TGFB3: variants seen among roughly 807,000 people sequenced by gnomAD.
TGFB3 encodes the protein transforming growth factor beta 3, also known as transforming growth factor beta-3 proprotein.
TGFB3 carries 5 observed loss-of-function variants against 40.1 expected under a neutral mutation model. The ratio of observed to expected loss-of-function variants is 0.12; its 90% CI spans 0.07 to 0.26. The LOEUF (loss-of-function observed/expected upper bound fraction) is 0.26, where lower values mean the gene tolerates loss of function less well. Ranked by LOEUF, TGFB3 falls within the 10% of genes least tolerant of loss-of-function variation. The pLI is 1.00. For synonymous variants in TGFB3, 184 were observed against 205.6 expected (o/e 0.89, Z 0.90); for missense variants, 373 against 530.1 (o/e 0.70, Z 2.91).
chr14:75,959,622 T>A (rs1159450567), intron 6 of TGFB3, among the ~76,000 whole-genome samples: 1 of 151,836 alleles, frequency 6.6e-6, no homozygotes, highest in Non-Finnish European at 1.5e-5. Context: ...TACAAAAAAA[T>A]TAGCTGGCTG....
In TGFB3 at chr14:75,965,638, T is replaced by C; in HGVS notation, c.704A>G (p.Asn235Ser). 2 of 1,614,204 alleles carry C rather than the reference T, an allele frequency of 1.2e-6. No homozygotes were observed. Among genetic ancestry groups the C allele is most frequent in the Non-Finnish European group, 1.7e-6 (2 of 1,180,032 alleles). The change falls in exon 4 of 7, where the codon AAT (asparagine) becomes AGT (serine). Residue 235 changes from asparagine to serine, a missense_variant. Physicochemically the swap from Asn to Ser is conservative, Grantham distance 46. Transcript: ENST00000238682. ...GTGAATGTTTTCCAGGATATCTCCATTGGGCTGAAAGGTGTGACATGGACA... is the reference window on the plus strand; with the variant it reads ...GTGAATGTTTTCCAGGATATCTCCACTGGGCTGAAAGGTGTGACATGGACA... Reference protein sequence around the residue: ...IHCPCHTFQPNGDILENIHEV... With the variant: ...IHCPCHTFQPSGDILENIHEV...
chr14:75,980,749 T>A lies in TGFB3; in HGVS notation c.145A>T (p.Ser49Cys), dbSNP rs1353571180. 6.2e-7 allele frequency: 1 copy of A among 1,614,012 alleles called. No homozygotes were observed. The highest frequency in any genetic ancestry group is 1.3e-5 in the African/African-American group (1 of 74,896). Residue 49 changes from serine (S) to cysteine (C), a missense_variant, in exon 1 of 7, where the codon AGC (serine) becomes TGC (cysteine). Coordinates refer to ENST00000238682, the MANE Select transcript of TGFB3 (RefSeq NM_003239.5). The surrounding 1 kb of genome is among the most constrained non-coding windows in gnomAD (Gnocchi z 4.3). The stretch of plus-strand genomic sequence containing the variant: ...GGGGGGCTGGTGAGCCTGAGCTTGC[T>A]CAAGATCTGTCCCCTAATGGCTTCC... ...RVEAIRGQIL[S>C]KLRLTSPPEP...
intron 1 of TGFB3, among the ~76,000 whole-genome samples, chr14:75,974,983 C>T (rs577198101): frequency 1.2e-3 from 175 of 151,830 alleles, no homozygotes; most frequent in African/African-American, 2.7e-3. Context: ...TTCAGCTACT[C>T]GGGAGGCTGA....
Position 75,971,477 on chromosome 14 carries a change from T to G in TGFB3, c.516+78A>C. The G allele has an allele frequency of 6.3e-7, 1 of 1,592,766 alleles. No individual in the cohort carries two copies. The highest frequency in any genetic ancestry group is 8.6e-7 in the Non-Finnish European group (1 of 1,167,678). ...ATTCAAACCCAGGTCTGCCAAACGCTGCACCCAGTGGTGCCCTGATATGGC... is the reference window on the plus strand; with the variant it reads ...ATTCAAACCCAGGTCTGCCAAACGCGGCACCCAGTGGTGCCCTGATATGGC... On this transcript the variant is annotated intron_variant, in intron 2 of 6. Transcript: ENST00000238682. This position sits in a 1 kb window ranked among gnomAD's most constrained non-coding sequence, Gnocchi z 4.5.
At chr14:75,963,245 C>G (rs1043815152) in intron 5 of TGFB3, 71 bp downstream of exon 5, 4 of 1,588,106 alleles carry the variant, frequency 2.5e-6, no homozygotes, top group East Asian at 2.2e-5. Context: ...TGGCTTGGCT[C>G]TGGGGCCTGA....
intron 3 of TGFB3, 179 bp from the exon 4 acceptor site, chr14:75,965,874 G>A (rs967250095): frequency 2.0e-5 from 13 of 637,330 alleles, no homozygotes; most frequent in East Asian, 5.6e-5. Flanking sequence ...ACCTTCAAGC[G>A]CACGTTGCCA....
At chr14:75,968,313 T>C (rs2035245661) in intron 3 of TGFB3, among the ~76,000 whole-genome samples, 1 of 152,162 alleles carries the variant, frequency 6.6e-6, no homozygotes, top group Non-Finnish European at 1.5e-5. Flanking sequence ...ACCTGTGTGA[T>C]GATTCCCCTG....
At chr14:75,973,976 C>T (rs903011645) in intron 1 of TGFB3, among the ~76,000 whole-genome samples, 2 of 152,096 alleles carry the variant, frequency 1.3e-5, no homozygotes, top group African/African-American at 4.8e-5. Context: ...CCTGTCTCTA[C>T]TAAAAATATG....
Position 75,959,261 on chromosome 14 carries a change from G to A in TGFB3, c.1165C>T (p.Leu389=), listed in dbSNP as rs2035123706. The A allele has an allele frequency of 6.2e-7, 1 of 1,614,090 alleles. No homozygotes were observed. The highest frequency in any genetic ancestry group is 1.7e-5 in the Admixed American group (1 of 60,010). ...TTGGGGGTCCTCCCAACATAGTACA[G>A]GATGGTCAGGGGCTCCAGGTCCTGG... ...VPQDLEPLTI[L]YYVGRTPKVE... is the part of the protein sequence containing the mutation. The change falls in exon 7 of 7, where the codon CTG becomes TTG. Residue 389 remains leucine (L), a synonymous_variant. Transcript: ENST00000238682.
Position 75,979,737 on chromosome 14 carries a change from G to A in TGFB3, c.352+805C>T, listed in dbSNP as rs1011216028. On this transcript the variant is annotated intron_variant, in intron 1 of 6. Coordinates refer to ENST00000238682, the MANE Select transcript of TGFB3 (RefSeq NM_003239.5). The surrounding 1 kb of genome is among the most constrained non-coding windows in gnomAD (Gnocchi z 4.8). ...TGCACCCACTGCCACCCCTCCACCC[G>A]CTCTCCCGTGACACGCAGACACAAA... 2.7e-4 allele frequency among the ~76,000 whole-genome samples: 13 copies of A among 48,628 alleles called. No homozygotes were observed. Among genetic ancestry groups the A allele is most frequent in the Admixed American group, 1.0e-3 (5 of 4,930 alleles). 31.9% of individuals were successfully genotyped at this position (48,628 alleles called of 152,430 possible).
chr14:75,964,333 T>C (rs1012873860), intron 4 of TGFB3, among the ~76,000 whole-genome samples: 7 of 152,308 alleles, frequency 4.6e-5, no homozygotes, highest in Non-Finnish European at 8.8e-5. Context: ...GACTGTATAA[T>C]TGTTAACATT....
At chr14:75,963,252 C>T in intron 5 of TGFB3, 64 bp downstream of exon 5, 4 of 1,602,024 alleles carry the variant, frequency 2.5e-6, no homozygotes, top group Non-Finnish European at 3.4e-6. Flanking sequence ...GCTCTGGGGC[C>T]TGACCTAGCC....
chr14:75,966,397 G>A (rs754964118), intron 3 of TGFB3: 1 of 153,890 alleles, frequency 6.5e-6, no homozygotes, highest in African/African-American at 2.4e-5. Context: ...GAAGATCACG[G>A]TTACACTGGG....
At chr14:75,973,974 T>C (rs1042225761) in intron 1 of TGFB3, among the ~76,000 whole-genome samples, 2 of 152,142 alleles carry the variant, frequency 1.3e-5, no homozygotes, top group African/African-American at 4.8e-5. Flanking sequence ...ACCCTGTCTC[T>C]ACTAAAAATA....
Position 75,963,345 on chromosome 14 carries a change from C to T in TGFB3, c.897G>A (p.Lys299=), listed in dbSNP as rs771455698. The change falls in exon 5 of 7, where the codon AAG becomes AAA. Residue 299 remains lysine (K), a synonymous_variant. Coordinates refer to ENST00000238682, the MANE Select transcript of TGFB3 (RefSeq NM_003239.5). ...AGCAGTAATTGGTGTCCAAAGCCCG[C>T]TTCTTCCTCTGACCCCCCTGGCCCG... ...DNPGQGGQRK[K]RALDTNYCFR... is the part of the protein sequence containing the mutation. 1.9e-6 allele frequency: 3 copies of T among 1,614,166 alleles called. No homozygotes were observed. Among genetic ancestry groups the T allele is most frequent in the Non-Finnish European group, 1.7e-6 (2 of 1,180,022 alleles).
At chr14:75,968,221 A>T (rs4252333) in intron 3 of TGFB3, among the ~76,000 whole-genome samples, 327 of 152,340 alleles carry the variant, frequency 2.1e-3, no homozygotes, top group African/African-American at 7.4e-3. Context: ...CTACACCGCC[A>T]ACTGCTCCAA....
rs1474256960 is a variant in TGFB3 at position 75,980,099 on chromosome 14, A to G, written c.352+443T>C. The stretch of plus-strand genomic sequence containing the variant: ...AAAACTGAAACGGAGACGTGTCACA[A>G]TGAGTTGTGAAAAGCAGGGAGAAGA... On this transcript the variant is annotated intron_variant, in intron 1 of 6. Coordinates refer to ENST00000238682, the MANE Select transcript of TGFB3 (RefSeq NM_003239.5). This position sits in a 1 kb window ranked among gnomAD's most constrained non-coding sequence, Gnocchi z 4.3. Among the ~76,000 whole-genome samples, 7 of 152,172 alleles carry G rather than the reference A, an allele frequency of 4.6e-5. No individual in the cohort carries two copies. The highest frequency in any genetic ancestry group is 1.7e-4 in the African/African-American group (7 of 41,440).
intron 6 of TGFB3, among the ~76,000 whole-genome samples, 166 bp from the exon 7 acceptor site, chr14:75,959,511 T>C (rs2035127416): frequency 6.6e-6 from 1 of 152,126 alleles, no homozygotes; most frequent in South Asian, 2.1e-4. Flanking sequence ...GGCTCACAGC[T>C]GTAGTCCCAG....
At position 75,980,861 on chromosome 14, in the gene TGFB3, G is replaced by A. The variant is rs1369707854; in HGVS notation, c.33C>T (p.Val11=). MKMHLQRALV[V]LALLNFATVS... Reference sequence around the variant, plus strand: ...CCGTGGCAAAGTTCAGCAGGGCCAGGACCACCAGAGCCCTTTGCAAGTGCA... The same window carrying A: ...CCGTGGCAAAGTTCAGCAGGGCCAGAACCACCAGAGCCCTTTGCAAGTGCA... The change falls in exon 1 of 7, where the codon GTC becomes GTT. Residue 11 remains valine, a synonymous_variant. Transcript: ENST00000238682. The surrounding 1 kb of genome is among the most constrained non-coding windows in gnomAD (Gnocchi z 4.3). 6.2e-7 allele frequency: 1 copy of A among 1,614,074 alleles called. No homozygotes were observed. The highest frequency in any genetic ancestry group is 8.5e-7 in the Non-Finnish European group (1 of 1,180,044).
Sources: allele counts gnomAD v4.1 joint callset (sites outside exome capture counted in the v4.1 genomes callset), GRCh38; gene constraint gnomAD v4.1.1; non-coding constraint Gnocchi (gnomAD v3.1); transcripts MANE v1.5; gene names NCBI Gene and HGNC (gene_info 2026-07-23, HGNC 2026-07-21).